Variants in GPATCH2 observed in about 807,000 individuals in gnomAD.
GPATCH2 encodes the protein G-patch domain containing 2, also known as G patch domain-containing protein 2.
GPATCH2 carries 51 observed loss-of-function variants against 58.0 expected under a neutral mutation model. The observed-to-expected ratio is 0.88, with a 90% CI of 0.70 to 1.11. The LOEUF (loss-of-function observed/expected upper bound fraction) is 1.11, where lower values mean the gene tolerates loss of function less well. Among genes scored for constraint, GPATCH2 ranks in the 50% most tolerant of loss-of-function variants. GPATCH2 has a pLI of 0.00. For synonymous variants in GPATCH2, 222 were observed against 218.5 expected, an observed-to-expected ratio of 1.02 and a Z score of -0.14; for missense variants, 625 against 652.2, an observed-to-expected ratio of 0.96 and a Z score of 0.45.
At chr1:217,591,026 G>A (rs1289643421) in intron 5 of GPATCH2, among the ~76,000 whole-genome samples, 1 of 152,052 alleles carries the variant, frequency 6.6e-6, no homozygotes, top group Admixed American at 6.6e-5. Context: ...ATTTTATTTT[G>A]TAAATCAAGG....
chr1:217,624,129 T>C (rs1390918914), intron 1 of GPATCH2, among the ~76,000 whole-genome samples: 4 of 152,084 alleles, frequency 2.6e-5, no homozygotes, highest in Non-Finnish European at 4.4e-5. Flanking sequence ...ATAACTACAC[T>C]CTCCTCCAAG....
At position 217,510,209 on chromosome 1, in the gene GPATCH2, A is replaced by G. The variant is rs943188935; in HGVS notation, c.1166+4613T>C. Among the ~76,000 whole-genome samples, 9 of 152,292 alleles carry G rather than the reference A, an allele frequency of 5.9e-5. No homozygotes were observed. In the East Asian group the frequency reaches 7.7e-4, roughly 13 times the overall value. On this transcript the variant is annotated intron_variant, in intron 6 of 9. Coordinates refer to ENST00000366935, the MANE Select transcript of GPATCH2 (RefSeq NM_018040.5). ...TTAGGAAGACATCTAATATTCTTCA[A>G]CAAAAATTTAAACATTTGCAAGGAT...
intron 5 of GPATCH2, chr1:217,609,558 A>C: frequency 1.0e-6 from 1 of 984,930 alleles, no homozygotes; most frequent in East Asian, 1.1e-4. Context: ...ATACAAGCAG[A>C]TTACCCAAGT....
chr1:217,510,522 C>T (rs1318949038), intron 6 of GPATCH2, among the ~76,000 whole-genome samples: 1 of 151,240 alleles, frequency 6.6e-6, no homozygotes, highest in Non-Finnish European at 1.5e-5. Context: ...CAACAGTAAA[C>T]ACAAAAATAA....
intron 8 of GPATCH2, among the ~76,000 whole-genome samples, chr1:217,457,938 T>C (rs1660017594): frequency 6.6e-6 from 1 of 152,104 alleles, no homozygotes; most frequent in Non-Finnish European, 1.5e-5. Flanking sequence ...TTCAAAGATG[T>C]CTTGCTTGGC....
intron 5 of GPATCH2, among the ~76,000 whole-genome samples, chr1:217,543,008 G>C (rs1449587611): frequency 6.6e-6 from 1 of 152,132 alleles, no homozygotes; most frequent in Non-Finnish European, 1.5e-5. Context: ...GGACAAGAAA[G>C]GGAACTAAAA....
chr1:217,566,102 A>AAAAC (rs1491498381), intron 5 of GPATCH2, among the ~76,000 whole-genome samples: 4 of 47,574 alleles, frequency 8.4e-5, no homozygotes, highest in African/African-American at 5.5e-4. Flanking sequence ...ACTCCGTCTC[A>AAAAC]AAAAAAAAAA....
At chr1:217,449,475 A>G (rs1356224159) in intron 8 of GPATCH2, 138 bp from the exon 9 acceptor site, 3 of 612,488 alleles carry the variant, frequency 4.9e-6, no homozygotes, top group African/African-American at 3.7e-5. Context: ...AATCTTGTTT[A>G]TATCGAAACA....
chr1:217,479,691 A>C (rs1453820493), intron 8 of GPATCH2, among the ~76,000 whole-genome samples: 1 of 152,226 alleles, frequency 6.6e-6, no homozygotes, highest in East Asian at 1.9e-4. Context: ...TAAATGGACT[A>C]AACTCTCCAG....
At chr1:217,433,361 C>CACATATATATATATATATATAT (rs1491151192) in intron 9 of GPATCH2, among the ~76,000 whole-genome samples, 4 of 118,584 alleles carry the variant, frequency 3.4e-5, no homozygotes, top group African/African-American at 1.0e-4. Flanking sequence ...TTAAGCTGTT[C>CACATATATATATATATATATAT]ATATATATAT....
intron 8 of GPATCH2, among the ~76,000 whole-genome samples, chr1:217,481,701 A>T (rs1430797855): frequency 6.6e-6 from 1 of 152,060 alleles, no homozygotes; most frequent in East Asian, 1.9e-4. Flanking sequence ...TACAAAAAAT[A>T]AAAAAATTAG....
At chr1:217,534,248 T>A (rs1310363470) in intron 5 of GPATCH2, among the ~76,000 whole-genome samples, 1 of 151,956 alleles carries the variant, frequency 6.6e-6, no homozygotes, top group Non-Finnish European at 1.5e-5. Context: ...ATAAAAAGAT[T>A]CTTACAGTTC....
At chr1:217,444,052 G>A (rs1405372105) in intron 9 of GPATCH2, among the ~76,000 whole-genome samples, 1 of 152,162 alleles carries the variant, frequency 6.6e-6, no homozygotes, top group Non-Finnish European at 1.5e-5. Flanking sequence ...ATGTGCTTCT[G>A]AAACCAGTTT....
At chr1:217,504,001 C>T (rs1434258691) in intron 6 of GPATCH2, among the ~76,000 whole-genome samples, 3 of 152,244 alleles carry the variant, frequency 2.0e-5, no homozygotes, top group Non-Finnish European at 4.4e-5. Context: ...AGCAGCAGAG[C>T]GGGAATTCAG....
At chr1:217,443,389 T>C (rs1659237217) in intron 9 of GPATCH2, among the ~76,000 whole-genome samples, 1 of 152,196 alleles carries the variant, frequency 6.6e-6, no homozygotes, top group South Asian at 2.1e-4. Context: ...CTGCTATTTT[T>C]AAGTTTGCTA....
chr1:217,581,358 C>A (rs1667074140), intron 5 of GPATCH2, among the ~76,000 whole-genome samples: 1 of 152,152 alleles, frequency 6.6e-6, no homozygotes, highest in Non-Finnish European at 1.5e-5. Context: ...TAATAAAAGA[C>A]AAGTTGGAAG....
intron 5 of GPATCH2, among the ~76,000 whole-genome samples, chr1:217,595,973 T>G (rs922997782): frequency 1.3e-5 from 2 of 152,106 alleles, no homozygotes; most frequent in Non-Finnish European, 2.9e-5. Flanking sequence ...ATAATTTACT[T>G]TTTAATAAAC....
At chr1:217,503,167 A>G (rs1222892505) in intron 6 of GPATCH2, among the ~76,000 whole-genome samples, 2 of 152,130 alleles carry the variant, frequency 1.3e-5, no homozygotes, top group African/African-American at 4.8e-5. Flanking sequence ...CCATGAAGAA[A>G]CGTTTTAAGA....
At chr1:217,545,116 C>G (rs2102652907) in intron 5 of GPATCH2, among the ~76,000 whole-genome samples, 1 of 152,332 alleles carries the variant, frequency 6.6e-6, no homozygotes, top group East Asian at 1.9e-4. Context: ...CATTTCCTTT[C>G]TCTCTCTTTC....
Sources: gnomAD v4.1 joint callset for allele counts (sites outside exome capture counted in the v4.1 genomes callset) on GRCh38, gnomAD v4.1.1 for gene constraint, MANE v1.5 for transcripts, NCBI Gene and HGNC (gene_info 2026-07-23, HGNC 2026-07-21) for gene names.